Variants in AGBL4 observed in about 807,000 individuals in gnomAD.
The protein encoded by AGBL4 is cytosolic carboxypeptidase 6.
Under a neutral mutation model 66.4 loss-of-function variants are expected in AGBL4, and 58 were observed. That is an observed-to-expected ratio of 0.87 (90% CI 0.71 to 1.09). The LOEUF is 1.09. Ranked by LOEUF, AGBL4 falls within the 50% of genes least tolerant of loss-of-function variation. The pLI, the probability that AGBL4 is intolerant of heterozygous loss-of-function variation, is 0.00. For missense variants in AGBL4, 579 were observed against 631.0 expected (o/e 0.92, Z 0.88); for synonymous variants, 234 against 222.9 (o/e 1.05, Z -0.44).
intron 1 of AGBL4, among the ~76,000 whole-genome samples, chr1:50,018,067 G>A (rs1189876768): frequency 6.6e-6 from 1 of 152,156 alleles, no homozygotes; most frequent in East Asian, 1.9e-4. Context: ...CCTTCCCCAA[G>A]AGATTTATTT....
intron 1 of AGBL4, among the ~76,000 whole-genome samples, chr1:49,914,138 G>T (rs956395678): frequency 1.3e-5 from 2 of 152,116 alleles, no homozygotes; most frequent in African/African-American, 4.8e-5. Flanking sequence ...ATTCTACTTT[G>T]CCAGGCTGTG....
intron 4 of AGBL4, among the ~76,000 whole-genome samples, chr1:49,192,383 C>A (rs530153279): frequency 6.6e-6 from 1 of 152,344 alleles, no homozygotes; most frequent in African/African-American, 2.4e-5. Context: ...ACTGCCACCT[C>A]TGCCTCCTGG....
intron 3 of AGBL4, among the ~76,000 whole-genome samples, chr1:49,563,151 A>G (rs866450487): frequency 2.0e-5 from 3 of 151,810 alleles, no homozygotes; most frequent in Non-Finnish European, 4.4e-5. Context: ...ATTTTTGCAC[A>G]TTGATTTTGT....
At chr1:49,749,217 T>C (rs1302709094) in intron 2 of AGBL4, among the ~76,000 whole-genome samples, 3 of 152,190 alleles carry the variant, frequency 2.0e-5, no homozygotes, top group Non-Finnish European at 4.4e-5. Context: ...AGTTTCGTTT[T>C]CTGCATATGG....
chr1:49,845,836 T>G, intron 2 of AGBL4: 1 of 1,490,560 alleles, frequency 6.7e-7, no homozygotes, highest in Non-Finnish European at 9.3e-7. Flanking sequence ...GCCGTTCGAC[T>G]GCAGTCAGTG....
chr1:48,599,872 A>G (rs1318879600), intron 9 of AGBL4, among the ~76,000 whole-genome samples: 2 of 152,180 alleles, frequency 1.3e-5, no homozygotes, highest in African/African-American at 4.8e-5. Flanking sequence ...CTGAAGGTAT[A>G]AATATAGGAA....
intron 5 of AGBL4, among the ~76,000 whole-genome samples, chr1:48,994,315 T>G (rs1224115727): frequency 3.3e-5 from 5 of 152,222 alleles, no homozygotes; most frequent in Non-Finnish European, 5.9e-5. Flanking sequence ...TGTTGCTTCC[T>G]CTTTTAAAAC....
intron 3 of AGBL4, among the ~76,000 whole-genome samples, chr1:49,571,801 G>A (rs185903280): frequency 7.9e-5 from 12 of 152,054 alleles, no homozygotes; most frequent in Non-Finnish European, 7.4e-5. Flanking sequence ...AATTTATCAC[G>A]TTTTTCTGTT....
intron 3 of AGBL4, among the ~76,000 whole-genome samples, chr1:49,576,233 T>C (rs147531941): frequency 1.3e-5 from 2 of 152,274 alleles, no homozygotes; most frequent in Non-Finnish European, 2.9e-5. Flanking sequence ...CTGCCCCATT[T>C]ATTGAGTAAC....
intron 3 of AGBL4, among the ~76,000 whole-genome samples, chr1:49,545,599 C>T (rs1434990939): frequency 6.6e-6 from 1 of 152,128 alleles, no homozygotes; most frequent in Non-Finnish European, 1.5e-5. Context: ...GGAATTTTAA[C>T]TCTGATCTCT....
At chr1:48,746,012 G>C (rs1650687587) in intron 6 of AGBL4, among the ~76,000 whole-genome samples, 1 of 152,124 alleles carries the variant, frequency 6.6e-6, no homozygotes, top group Non-Finnish European at 1.5e-5. Context: ...TTTTATGTCA[G>C]AGACCAGGTC....
At chr1:48,566,465 T>G (rs993746833) in intron 11 of AGBL4, among the ~76,000 whole-genome samples, 4 of 152,246 alleles carry the variant, frequency 2.6e-5, no homozygotes, top group African/African-American at 9.6e-5. Flanking sequence ...GATGGTCTAA[T>G]GTAGTCAAGT....
chr1:48,539,681 G>A lies in AGBL4; in HGVS notation c.1325C>T (p.Pro442Leu). 6.5e-7 allele frequency: 1 copy of A among 1,543,606 alleles called. No individual in the cohort carries two copies. Among genetic ancestry groups the A allele is most frequent in the Non-Finnish European group, 8.8e-7 (1 of 1,142,090 alleles). ...RTFLDYYRLN[P>L]VVEKVAIPMP... Reference sequence around the variant, plus strand: ...GGGAATTGCCACCTTTTCAACCACGGGGTTCAGCCGATAATAGTCCAAAAA... The same window carrying A: ...GGGAATTGCCACCTTTTCAACCACGAGGTTCAGCCGATAATAGTCCAAAAA... The change falls in exon 12 of 14, where the codon CCC becomes CTC. Residue 442 changes from proline (P) to leucine (L), a missense_variant. Coordinates refer to ENST00000371839, the MANE Select transcript of AGBL4 (RefSeq NM_032785.4).
In AGBL4 at chr1:48,532,908, C is replaced by G. The variant is rs375074244; in HGVS notation, c.*1265G>C. The G allele has an allele frequency of 6.6e-6, 1 of 152,198 alleles. No individual in the cohort carries two copies. Among genetic ancestry groups the G allele is most frequent in the Non-Finnish European group, 1.5e-5 (1 of 68,052 alleles). The allele number at this position is 152,198 out of a possible 1,614,324, so 9.4% of individuals were successfully genotyped here. On this transcript the variant is annotated 3_prime_UTR_variant, in exon 14 of 14. Transcript: ENST00000371839. ...GGGCAAAACGAACCCAGGGGAGAAGCTGTATATACAACATGACATTTGTAG... is the reference window on the plus strand; with the variant it reads ...GGGCAAAACGAACCCAGGGGAGAAGGTGTATATACAACATGACATTTGTAG...
chr1:49,709,761 C>T (rs984683415), intron 2 of AGBL4, among the ~76,000 whole-genome samples: 12 of 152,084 alleles, frequency 7.9e-5, no homozygotes, highest in African/African-American at 2.9e-4. Context: ...AAACAAAGAA[C>T]CCCATCAAAA....
At chr1:48,665,839 A>G (rs1263880440) in intron 6 of AGBL4, among the ~76,000 whole-genome samples, 1 of 152,260 alleles carries the variant, frequency 6.6e-6, no homozygotes, top group Non-Finnish European at 1.5e-5. Context: ...CCAGCAGTCC[A>G]GAAATGATAA....
intron 3 of AGBL4, among the ~76,000 whole-genome samples, chr1:49,306,698 T>C (rs868164502): frequency 6.6e-6 from 1 of 152,206 alleles, no homozygotes; most frequent in African/African-American, 2.4e-5. Context: ...TAGCCTGTGA[T>C]GGGTTTTCCT....
chr1:49,845,587 C>T, intron 2 of AGBL4: 1 of 1,599,982 alleles, frequency 6.3e-7, no homozygotes, highest in Non-Finnish European at 8.5e-7. Flanking sequence ...CTACGAGTGC[C>T]ATGAGTGTGG....
intron 5 of AGBL4, among the ~76,000 whole-genome samples, chr1:48,896,285 T>C (rs942218626): frequency 2.0e-5 from 3 of 152,234 alleles, no homozygotes. Flanking sequence ...GGACAAAGTC[T>C]AAGCTCTAAG....
Sources: allele counts gnomAD v4.1 joint callset (sites outside exome capture counted in the v4.1 genomes callset), GRCh38; gene constraint gnomAD v4.1.1; transcripts MANE v1.5; gene names NCBI Gene and HGNC (gene_info 2026-07-23, HGNC 2026-07-21).